Variants in CPNE1 observed in about 807,000 individuals in gnomAD.
The protein encoded by CPNE1 is copine-1.
A neutral mutation model predicts 63.2 loss-of-function variants in CPNE1; 58 were observed. That is an observed-to-expected ratio of 0.92 (90% CI 0.74 to 1.14). The LOEUF (loss-of-function observed/expected upper bound fraction) is 1.14, where lower values mean the gene tolerates loss of function less well. Ranked by LOEUF, CPNE1 falls within the 50% of genes most tolerant of loss-of-function variation. The pLI is 0.00. For missense variants in CPNE1, 672 were observed against 661.7 expected (o/e 1.02, Z -0.17); for synonymous variants, 237 against 249.0 (o/e 0.95, Z 0.45).
At chr20:35,638,608 A>T (rs751220670) in intron 1 of CPNE1, among the ~76,000 whole-genome samples, 2 of 122,768 alleles carry the variant, frequency 1.6e-5, no homozygotes, top group African/African-American at 3.0e-5. Context: ...AAAACCTAAC[A>T]AACACCTAGC....
At chr20:35,643,644 G>A (rs1049031410) in intron 1 of CPNE1, among the ~76,000 whole-genome samples, 1 of 152,244 alleles carries the variant, frequency 6.6e-6, no homozygotes, top group East Asian at 1.9e-4. Flanking sequence ...TTGGCAGGCT[G>A]AGGCAGGAGA....
At chr20:35,656,187 T>A (rs1312605640) in intron 1 of CPNE1, among the ~76,000 whole-genome samples, 1 of 152,200 alleles carries the variant, frequency 6.6e-6, no homozygotes, top group Non-Finnish European at 1.5e-5. Context: ...TAAAATTTTT[T>A]AAAGTATTAT....
chr20:35,639,155 A>G (rs1410892696), intron 1 of CPNE1, among the ~76,000 whole-genome samples: 3 of 152,136 alleles, frequency 2.0e-5, no homozygotes, highest in African/African-American at 7.2e-5. Flanking sequence ...AGGCATGTTG[A>G]AATGTTTACA....
intron 1 of CPNE1, among the ~76,000 whole-genome samples, chr20:35,647,690 G>C (rs1313211112): frequency 6.6e-6 from 1 of 151,978 alleles, no homozygotes; most frequent in Non-Finnish European, 1.5e-5. Flanking sequence ...CATACTCTAG[G>C]ATGCTTTTGA....
chr20:35,646,390 C>CTTT (rs559754204), intron 1 of CPNE1, among the ~76,000 whole-genome samples: 1,355 of 122,558 alleles, frequency 0.011, 42 homozygotes, highest in African/African-American at 0.02. Flanking sequence ...AGTGACAAGG[C>CTTT]TTTTTTTTTT....
Position 35,626,147 on chromosome 20 carries a change from T to C in CPNE1, c.*94A>G, listed in dbSNP as rs775178346. 1.5e-6 allele frequency: 2 copies of C among 1,290,788 alleles called. No homozygotes were observed. The highest frequency in any genetic ancestry group is 2.4e-5 in the South Asian group (2 of 83,616). The allele number at this position is 1,290,788 out of a possible 1,614,324, so 80.0% of individuals were successfully genotyped here. A position where few individuals can be genotyped will look rare whatever the true frequency, so the allele number is the denominator to read the frequency against. ...TATAAAAGTATCAAAAAATACAAAG[T>C]GCTAGCACTGAGGAGAGTGAGAAGG... On this transcript the variant is annotated 3_prime_UTR_variant, in exon 16 of 16. Coordinates refer to ENST00000397443, the MANE Select transcript of CPNE1 (RefSeq NM_152925.3).
chr20:35,657,263 T>C (rs910290799), intron 1 of CPNE1, among the ~76,000 whole-genome samples: 1 of 152,240 alleles, frequency 6.6e-6, no homozygotes, highest in African/African-American at 2.4e-5. Flanking sequence ...CAACAGTCTC[T>C]TTTCTCATTT....
At chr20:35,632,118 T>C (rs1377626315) in intron 5 of CPNE1, 45 bp downstream of exon 5, 1 of 1,606,496 alleles carries the variant, frequency 6.2e-7, no homozygotes, top group Non-Finnish European at 8.5e-7. Context: ...ACACCATCCT[T>C]GGCCCCTTAA....
intron 13 of CPNE1, among the ~76,000 whole-genome samples, chr20:35,627,793 A>C (rs567057893): frequency 1.0e-3 from 152 of 152,276 alleles, no homozygotes; most frequent in African/African-American, 3.4e-3. Context: ...GAATTACACA[A>C]TCATTTGACA....
At chr20:35,630,329 A>G (rs1195855321) in intron 13 of CPNE1, 110 bp downstream of exon 13, 1 of 800,358 alleles carries the variant, frequency 1.2e-6, no homozygotes, top group African/African-American at 1.7e-5. Context: ...AATAAAATCC[A>G]CCCTCTGGAC....
At chr20:35,632,749 A>G (rs2032250246) in intron 2 of CPNE1, 46 bp downstream of exon 2, 1 of 873,310 alleles carries the variant, frequency 1.1e-6, no homozygotes, top group Non-Finnish European at 2.0e-6. Context: ...CCCAAAACAC[A>G]ATCCTAGCCT....
Position 35,652,475 on chromosome 20 carries a change from T to C in CPNE1, c.-1+12285A>G, listed in dbSNP as rs2033588405. On this transcript the variant is annotated intron_variant, in intron 1 of 15. Coordinates refer to ENST00000397443, the MANE Select transcript of CPNE1 (RefSeq NM_152925.3). ...ATACTAGGAAAACAATCTGGATGCA[T>C]TAATCACAGCAATATGAAGATCTAC... The C allele has an allele frequency of 1.9e-6, 3 of 1,543,150 alleles. No homozygotes were observed. In the East Asian group the frequency reaches 6.8e-5, roughly 35 times the overall value.
At chr20:35,626,868 C>A in intron 14 of CPNE1, 65 bp from the exon 15 acceptor site, 1 of 1,207,128 alleles carries the variant, frequency 8.3e-7, no homozygotes, top group Non-Finnish European at 1.2e-6. Context: ...AACACCCCAG[C>A]CACACATCCC....
intron 1 of CPNE1, among the ~76,000 whole-genome samples, chr20:35,638,623 G>A (rs367794063): frequency 1.3e-5 from 2 of 152,098 alleles, no homozygotes; most frequent in African/African-American, 4.8e-5. Context: ...CCTAGCCCAA[G>A]AGCGATTCCA....
At chr20:35,653,290 G>C (rs1157495010) in intron 1 of CPNE1, 1 of 1,613,712 alleles carries the variant, frequency 6.2e-7, no homozygotes. Context: ...TGCTGAACCA[G>C]GCAGTCCTGT....
At chr20:35,645,824 AG>A (rs142141558) in intron 1 of CPNE1, among the ~76,000 whole-genome samples, 1 of 152,346 alleles carries the variant, frequency 6.6e-6, no homozygotes, top group African/African-American at 2.4e-5. Flanking sequence ...GCCACTCTCC[AG>A]CCCCCACTGC....
chr20:35,637,044 AAAAAC>A (rs2032528107), intron 1 of CPNE1, among the ~76,000 whole-genome samples: 1 of 152,204 alleles, frequency 6.6e-6, no homozygotes, highest in African/African-American at 2.4e-5. Context: ...AATAAAAAAC[AAAAAC>A]AAAACAAGCA....
At chr20:35,653,114 T>C (rs1456677218) in intron 1 of CPNE1, 5 of 1,613,764 alleles carry the variant, frequency 3.1e-6, no homozygotes, top group Non-Finnish European at 4.2e-6. Context: ...GGAGGAGGGA[T>C]TGGTGGCCCA....
intron 1 of CPNE1, chr20:35,652,845 C>A: frequency 6.4e-7 from 1 of 1,574,246 alleles, no homozygotes. Flanking sequence ...CGGGGCCAGG[C>A]CCAAAAGCTG....
Sources: allele counts gnomAD v4.1 joint callset (sites outside exome capture counted in the v4.1 genomes callset), GRCh38; gene constraint gnomAD v4.1.1; transcripts MANE v1.5; gene names NCBI Gene and HGNC (gene_info 2026-07-23, HGNC 2026-07-21).